The following GMDS variants were observed in gnomAD, a reference collection of about 807,000 sequenced individuals.
GMDS encodes the protein GDP-mannose 4,6 dehydratase.
A neutral mutation model predicts 49.9 loss-of-function variants in GMDS; 20 were observed. The ratio of observed to expected loss-of-function variants is 0.40; its 90% CI spans 0.28 to 0.58. The LOEUF (loss-of-function observed/expected upper bound fraction) is 0.58, where lower values mean the gene tolerates loss of function less well. Among genes scored for constraint, GMDS ranks in the 20% least tolerant of loss-of-function variants. GMDS has a pLI of 0.42. For missense variants in GMDS, 362 were observed against 481.4 expected (o/e 0.75, Z 2.32); for synonymous variants, 177 against 178.6 (o/e 0.99, Z 0.07).
chr6:1,879,503 T>A (rs974881609), intron 7 of GMDS, among the ~76,000 whole-genome samples: 18 of 152,122 alleles, frequency 1.2e-4, no homozygotes, highest in Admixed American at 1.3e-4. Flanking sequence ...TAAGCCAATA[T>A]AGGCATTTTT....
intron 4 of GMDS, among the ~76,000 whole-genome samples, chr6:1,989,232 A>C (rs1765769458): frequency 6.6e-6 from 1 of 152,354 alleles, no homozygotes; most frequent in East Asian, 1.9e-4. Context: ...GATAGGGCTA[A>C]GTACTTTAGA....
At chr6:1,648,473 T>C (rs141816306) in intron 9 of GMDS, among the ~76,000 whole-genome samples, 2 of 152,348 alleles carry the variant, frequency 1.3e-5, no homozygotes, top group East Asian at 3.9e-4. Flanking sequence ...GGCAGCTCCA[T>C]AAAGTATGGC....
chr6:2,030,733 A>T (rs1255189878), intron 4 of GMDS, among the ~76,000 whole-genome samples: 1 of 152,164 alleles, frequency 6.6e-6, no homozygotes, highest in Non-Finnish European at 1.5e-5. Flanking sequence ...GGCTCCAAAC[A>T]AGGCCGTGTG....
At chr6:2,235,562 T>TG (rs2127597942) in intron 1 of GMDS, among the ~76,000 whole-genome samples, 1 of 151,234 alleles carries the variant, frequency 6.6e-6, no homozygotes, top group South Asian at 2.1e-4. Context: ...TACCAGCACT[T>TG]GGAGAGGTTG....
At chr6:1,688,717 C>A (rs1172805568) in intron 9 of GMDS, among the ~76,000 whole-genome samples, 1 of 152,136 alleles carries the variant, frequency 6.6e-6, no homozygotes, top group Non-Finnish European at 1.5e-5. Flanking sequence ...ATTAGAGGCA[C>A]CAAGATGGGA....
At chr6:2,099,057 T>C (rs999421533) in intron 4 of GMDS, among the ~76,000 whole-genome samples, 3 of 152,184 alleles carry the variant, frequency 2.0e-5, no homozygotes, top group African/African-American at 4.8e-5. Flanking sequence ...CTGTCGCTTA[T>C]AAAGACACAT....
At chr6:1,797,188 C>T (rs755164320) in intron 7 of GMDS, among the ~76,000 whole-genome samples, 13 of 152,246 alleles carry the variant, frequency 8.5e-5, no homozygotes, top group South Asian at 2.1e-4. Context: ...ACTGCACGTG[C>T]GAGGGATCCA....
At chr6:2,193,040 G>A (rs1439830932) in intron 1 of GMDS, among the ~76,000 whole-genome samples, 1 of 152,200 alleles carries the variant, frequency 6.6e-6, no homozygotes, top group Non-Finnish European at 1.5e-5. Flanking sequence ...TCCCTAAGGA[G>A]GGTTTTGGGA....
chr6:1,789,146 G>C (rs1430637056), intron 7 of GMDS, among the ~76,000 whole-genome samples: 1 of 152,230 alleles, frequency 6.6e-6, no homozygotes, highest in East Asian at 1.9e-4. Context: ...GGGACGGTCT[G>C]GAAGGGCCCC....
intron 1 of GMDS, among the ~76,000 whole-genome samples, chr6:2,210,044 A>C (rs1779996424): frequency 1.3e-5 from 2 of 152,228 alleles, no homozygotes; most frequent in Admixed American, 1.3e-4. Flanking sequence ...TACACTAGAG[A>C]AAACAAAGCT....
chr6:1,808,005 A>G (rs1351992145), intron 7 of GMDS, among the ~76,000 whole-genome samples: 1 of 152,208 alleles, frequency 6.6e-6, no homozygotes, highest in Non-Finnish European at 1.5e-5. Context: ...AGAGGACTTC[A>G]TTTCTAGACT....
intron 1 of GMDS, among the ~76,000 whole-genome samples, chr6:2,172,792 T>C (rs148636993): frequency 1.7e-4 from 26 of 152,284 alleles, no homozygotes; most frequent in African/African-American, 6.3e-4. Flanking sequence ...AGCACACACC[T>C]CAGTCTGACC....
chr6:2,163,473 C>T (rs761923338), intron 1 of GMDS, among the ~76,000 whole-genome samples: 8 of 151,880 alleles, frequency 5.3e-5, no homozygotes, highest in East Asian at 1.9e-4. Flanking sequence ...CAAACTGGCT[C>T]GTGTGATTAT....
At chr6:1,795,669 CAG>C (rs1418680153) in intron 7 of GMDS, among the ~76,000 whole-genome samples, 2 of 152,218 alleles carry the variant, frequency 1.3e-5, no homozygotes, top group East Asian at 3.9e-4. Context: ...TAGTTCAAAA[CAG>C]AAAGTTCACA....
At chr6:2,222,762 G>A (rs563967291) in intron 1 of GMDS, among the ~76,000 whole-genome samples, 3 of 152,288 alleles carry the variant, frequency 2.0e-5, no homozygotes, top group African/African-American at 7.2e-5. Flanking sequence ...ACAAACACGA[G>A]CAACATTGAG....
At chr6:2,106,150 T>A (rs1398124639) in intron 4 of GMDS, among the ~76,000 whole-genome samples, 2 of 152,254 alleles carry the variant, frequency 1.3e-5, no homozygotes, top group Non-Finnish European at 2.9e-5. Context: ...TAATCACTCA[T>A]CTTCGATCTT....
At chr6:1,953,971 T>C (rs1406035732) in intron 6 of GMDS, among the ~76,000 whole-genome samples, 1 of 152,176 alleles carries the variant, frequency 6.6e-6, no homozygotes, top group African/African-American at 2.4e-5. Context: ...CTCATAGATA[T>C]TAAACAGTTT....
rs568456830 is a variant in GMDS, at chr6:2,070,683, T to C, written c.345+45088A>G. 9.0e-4 allele frequency among the ~76,000 whole-genome samples: 137 copies of C among 152,296 alleles called. 1 individual carries two copies. The highest frequency in any genetic ancestry group is 6.0e-3 in the East Asian group (31 of 5,182). Reference sequence around the variant, plus strand: ...AAATACTCCTGATCCAGAAGCTTTCTTCAGTCCCAGTGCACTTGACCTCAC... The same window carrying C: ...AAATACTCCTGATCCAGAAGCTTTCCTCAGTCCCAGTGCACTTGACCTCAC... On this transcript the variant is annotated intron_variant, in intron 4 of 10. Transcript: ENST00000380815.
chr6:1,917,920 G>C (rs561454962), intron 7 of GMDS, among the ~76,000 whole-genome samples: 3 of 152,332 alleles, frequency 2.0e-5, no homozygotes, highest in African/African-American at 7.2e-5. Context: ...CGACCAGGGA[G>C]GAAATGAAAT....
Sources: gnomAD v4.1 joint callset for allele counts (sites outside exome capture counted in the v4.1 genomes callset) on GRCh38, gnomAD v4.1.1 for gene constraint, MANE v1.5 for transcripts, NCBI Gene and HGNC (gene_info 2026-07-23, HGNC 2026-07-21) for gene names.